Variants in CCNH observed in about 807,000 individuals in gnomAD.
CCNH encodes cyclin-H.
Under a neutral mutation model 41.9 loss-of-function variants are expected in CCNH, and 31 were observed. The observed-to-expected ratio is 0.74, with a 90% CI of 0.56 to 1.00. The LOEUF (loss-of-function observed/expected upper bound fraction) is 1.00, where lower values mean the gene tolerates loss of function less well. Among genes scored for constraint, CCNH ranks in the 50% least tolerant of loss-of-function variants. CCNH has a pLI of 0.00. For synonymous variants in CCNH, 138 were observed against 136.1 expected, an observed-to-expected ratio of 1.01 and a Z score of -0.10; for missense variants, 362 against 388.4, an observed-to-expected ratio of 0.93 and a Z score of 0.57.
intron 9 of CCNH, among the ~76,000 whole-genome samples, chr5:87,352,381 A>G (rs1185013294): frequency 6.6e-6 from 1 of 151,660 alleles, no homozygotes. Context: ...AGTGTTTCCT[A>G]GGTGGCTCAA....
chr5:87,412,524 G>C (rs1482643559), intron 1 of CCNH, 154 bp downstream of exon 1: 2 of 1,442,136 alleles, frequency 1.4e-6, no homozygotes, highest in Non-Finnish European at 1.8e-6. Flanking sequence ...CACGGAACCT[G>C]GCAAGGTGCT....
At chr5:87,367,092 TTAAC>T (rs1354860533) in intron 9 of CCNH, among the ~76,000 whole-genome samples, 2 of 152,084 alleles carry the variant, frequency 1.3e-5, no homozygotes, top group African/African-American at 2.4e-5. Context: ...TACTTTATTA[TTAAC>T]TATTTTTTTT....
At chr5:87,374,692 A>C, downstream of CCNH, 1 of 1,172,316 alleles carries the variant, frequency 8.5e-7, no homozygotes, top group Non-Finnish European at 1.2e-6. Context: ...CCAAATAATA[A>C]AATATGTTGT....
chr5:87,312,934 T>A, the CCNH span, among the ~76,000 whole-genome samples: 1 of 152,214 alleles, frequency 6.6e-6, no homozygotes, highest in Non-Finnish European at 1.5e-5. Context: ...CAGGGAATGA[T>A]CAACTATGAG....
upstream of CCNH, chr5:87,380,738 G>C (rs1376197557): frequency 2.5e-6 from 2 of 802,488 alleles, no homozygotes; most frequent in Admixed American, 2.0e-5. Context: ...AAGTCCAGAT[G>C]GCTCCTAAAC....
At chr5:87,363,285 TTAA>T (rs1205813949) in intron 9 of CCNH, 6 of 1,382,500 alleles carry the variant, frequency 4.3e-6, no homozygotes, top group South Asian at 1.2e-5. Flanking sequence ...AACACTAATT[TTAA>T]TAATATGTAG....
At position 87,385,020 on chromosome 5, in the gene CCNH, T is replaced by C. The variant is rs939398086; in HGVS notation, c.*90+7750A>G. Among the ~76,000 whole-genome samples the C allele has an allele frequency of 5.3e-5, 8 of 152,068 alleles. No individual in the cohort carries two copies. In the East Asian group the frequency reaches 9.6e-4, roughly 18 times the overall value. ...GGTAAAGCTTTGAGGTCCTTTGAAATAGTATCAACCGTTGGAAACTGCTGA... is the reference window on the plus strand; with the variant it reads ...GGTAAAGCTTTGAGGTCCTTTGAAACAGTATCAACCGTTGGAAACTGCTGA... On this transcript the variant is annotated intron_variant and NMD_transcript_variant, in intron 9 of 9. Transcript: ENST00000645953.
intron 9 of CCNH, chr5:87,370,045 C>A: frequency 1.3e-6 from 1 of 778,520 alleles, no homozygotes; most frequent in Non-Finnish European, 2.1e-6. Context: ...AATGAGATTT[C>A]ATATGTAAAA....
At chr5:87,333,204 C>T (rs1411647998) in intron 9 of CCNH, 19 of 1,587,714 alleles carry the variant, frequency 1.2e-5, no homozygotes, top group Non-Finnish European at 1.5e-5. Context: ...TGTGGATATA[C>T]CTCTTTTGAC....
chr5:87,375,723 G>A (rs545627792), downstream of CCNH, among the ~76,000 whole-genome samples: 1 of 152,286 alleles, frequency 6.6e-6, no homozygotes, highest in African/African-American at 2.4e-5. Flanking sequence ...AGTTGACAGT[G>A]AGATTTACCA....
intron 9 of CCNH, among the ~76,000 whole-genome samples, chr5:87,340,918 A>C (rs1758385868): frequency 6.6e-6 from 1 of 152,098 alleles, no homozygotes; most frequent in African/African-American, 2.4e-5. Context: ...GTGGTAAACG[A>C]CTTCAGTTGC....
intron 5 of CCNH, 112 bp downstream of exon 5, chr5:87,404,732 C>A: frequency 1.2e-6 from 1 of 836,780 alleles, no homozygotes; most frequent in Non-Finnish European, 1.8e-6. Flanking sequence ...ATTTCTTCTT[C>A]TCACCAACCA....
intron 9 of CCNH, among the ~76,000 whole-genome samples, chr5:87,385,031 G>A (rs946962150): frequency 1.1e-4 from 16 of 151,988 alleles, no homozygotes; most frequent in Admixed American, 2.6e-4. Context: ...AGTATCAACC[G>A]TTGGAAACTG....
rs1316893556 is a variant in CCNH at position 87,405,074 on chromosome 5, A to C, written c.526-67T>G. ...AAATGGAGTATAACAACAGTTTAAA[A>C]ATTACACAACTCCTATTAAGAAATA... On this transcript the variant is annotated intron_variant, in intron 4 of 8. Coordinates refer to ENST00000256897, the MANE Select transcript of CCNH (RefSeq NM_001239.4). 6 of 1,119,450 alleles carry C rather than the reference A, an allele frequency of 5.4e-6. No homozygotes were observed. In the East Asian group the frequency reaches 1.4e-4, roughly 27 times the overall value. 69.3% of individuals were successfully genotyped at this position (1,119,450 alleles called of 1,614,324 possible).
At chr5:87,341,244 T>C in intron 9 of CCNH, 2 of 1,104,174 alleles carry the variant, frequency 1.8e-6, no homozygotes, top group Non-Finnish European at 2.4e-6. Context: ...TAAAAATTGA[T>C]TAATAGTTAA....
chr5:87,324,877 A>G (rs1757108307), intron 9 of CCNH, among the ~76,000 whole-genome samples: 1 of 152,180 alleles, frequency 6.6e-6, no homozygotes, highest in South Asian at 2.1e-4. Context: ...AAAAAGGCCA[A>G]GTAAAGTCAC....
chr5:87,387,230 T>G (rs1762122149), downstream of CCNH, among the ~76,000 whole-genome samples: 1 of 150,858 alleles, frequency 6.6e-6, no homozygotes, highest in Admixed American at 6.6e-5. Flanking sequence ...CCTCCTTAGC[T>G]TTTTTACTTT....
chr5:87,405,003 C>A lies in CCNH; in HGVS notation c.530G>T (p.Arg177Leu). The change falls in exon 5 of 9, where the codon CGC (arginine) becomes CTC (leucine). Residue 177 changes from arginine (R) to leucine (L), a missense_variant. Physicochemically the swap from Arg to Leu is moderately radical, Grantham distance 102. Transcript: ENST00000256897. ...CTCTGGATTCTCCAATATGGGATAGCGGGTCTACAAAGAAAGTTTGCAAAT... is the reference window on the plus strand; with the variant it reads ...CTCTGGATTCTCCAATATGGGATAGAGGGTCTACAAAGAAAGTTTGCAAAT... ...FEGFLIDLKT[R>L]YPILENPEIL... is the part of the protein sequence containing the mutation. 6.2e-7 allele frequency: 1 copy of A among 1,608,190 alleles called. No individual in the cohort carries two copies. The highest frequency in any genetic ancestry group is 8.5e-7 in the Non-Finnish European group (1 of 1,177,572).
chr5:87,393,735 G>A (rs540364125), downstream of CCNH: 1 of 152,230 alleles, frequency 6.6e-6, no homozygotes, highest in Middle Eastern at 3.4e-3. Flanking sequence ...CTGAGGCAGA[G>A]GATCACTAGA....
Sources: gnomAD v4.1 joint callset for allele counts (sites outside exome capture counted in the v4.1 genomes callset) on GRCh38, gnomAD v4.1.1 for gene constraint, MANE v1.5 for transcripts, NCBI Gene and HGNC (gene_info 2026-07-23, HGNC 2026-07-21) for gene names.